The following CEP170 variants were observed in gnomAD, a reference collection of about 807,000 sequenced individuals.
CEP170 encodes the protein centrosomal protein of 170 kDa.
Under a neutral mutation model 151.9 loss-of-function variants are expected in CEP170, and 21 were observed. The ratio of observed to expected loss-of-function variants is 0.14; its 90% confidence interval spans 0.10 to 0.20. The LOEUF (loss-of-function observed/expected upper bound fraction) is 0.20. CEP170 is among the 10% of genes least tolerant of loss of function. The pLI is 1.00. For synonymous variants in CEP170, 356 were observed against 648.8 expected, an observed-to-expected ratio of 0.55 and a Z score of 6.86; for missense variants, 964 against 1,892.9, an observed-to-expected ratio of 0.51 and a Z score of 9.11.
chr1:243,146,043 C>T (rs111227506), intron 14 of CEP170, among the ~76,000 whole-genome samples: 8 of 152,244 alleles, frequency 5.3e-5, no homozygotes, highest in South Asian at 4.1e-4. Flanking sequence ...AAAAGTCTAA[C>T]GTCAATTATT....
In CEP170 at chr1:243,164,386, C is replaced by T. The variant is rs1572375925; in HGVS notation, c.3574G>A (p.Val1192Ile). Residue 1192 changes from valine to isoleucine, a missense_variant, in exon 13 of 20, where the codon GTA becomes ATA. Transcript: ENST00000366542. ...CTAGGAGAAAATTTATCTGATGGTA[C>T]TAGTCTGGCTCCACTTCTAATGATG... ...EAIIRSGARL[V>I]PSDKFSPRIR... 2 of 1,539,350 alleles carry T rather than the reference C, an allele frequency of 1.3e-6. No homozygotes were observed. The highest frequency in any genetic ancestry group is 1.8e-6 in the Non-Finnish European group (2 of 1,140,660).
At chr1:243,155,407 A>G (rs1470286577) in intron 14 of CEP170, among the ~76,000 whole-genome samples, 1 of 152,166 alleles carries the variant, frequency 6.6e-6, no homozygotes, top group Non-Finnish European at 1.5e-5. Flanking sequence ...AAACTCTTTA[A>G]TAATGTCCTC....
intron 14 of CEP170, among the ~76,000 whole-genome samples, chr1:243,146,953 C>T (rs2056574009): frequency 6.6e-6 from 1 of 151,332 alleles, no homozygotes; most frequent in South Asian, 2.1e-4. Flanking sequence ...AATTGTGAAT[C>T]CCCCCTAACC....
intron 1 of CEP170, 94 bp downstream of exon 1, chr1:243,254,946 C>G (rs1286138643): frequency 6.6e-6 from 1 of 152,090 alleles, no homozygotes; most frequent in African/African-American, 2.4e-5. Context: ...CGCCCGAGTC[C>G]TCGCCGCAAA....
At chr1:243,221,030 C>G (rs955667109) in intron 3 of CEP170, among the ~76,000 whole-genome samples, 1 of 151,662 alleles carries the variant, frequency 6.6e-6, no homozygotes, top group African/African-American at 2.4e-5. Flanking sequence ...CTTTTCTTTT[C>G]TTTTTTTTGA....
chr1:243,149,034 G>C (rs528596386), intron 14 of CEP170, among the ~76,000 whole-genome samples: 24 of 152,284 alleles, frequency 1.6e-4, no homozygotes, highest in Admixed American at 6.5e-4. Context: ...AAAGCAGTTT[G>C]AATAAAGTAC....
At chr1:243,144,357 T>G (rs1467073376) in intron 14 of CEP170, among the ~76,000 whole-genome samples, 7 of 152,214 alleles carry the variant, frequency 4.6e-5, no homozygotes. Flanking sequence ...CATAGTTAAG[T>G]GCCATAACTA....
chr1:243,151,576 C>G (rs555883855), intron 14 of CEP170, among the ~76,000 whole-genome samples: 8 of 152,164 alleles, frequency 5.3e-5, no homozygotes, highest in African/African-American at 1.7e-4. Context: ...TGAATGCTGA[C>G]AGAGGTGAGG....
chr1:243,186,606 A>G (rs1258251717), intron 8 of CEP170, 184 bp from the exon 9 acceptor site: 1 of 573,694 alleles, frequency 1.7e-6, no homozygotes, highest in Non-Finnish European at 3.0e-6. Context: ...AATTTTATCA[A>G]CTAACAATGA....
intron 14 of CEP170, among the ~76,000 whole-genome samples, chr1:243,155,820 T>C (rs2148458476): frequency 6.6e-6 from 1 of 152,276 alleles, no homozygotes; most frequent in East Asian, 1.9e-4. Flanking sequence ...CAGAGAGCAG[T>C]AGCCACATCT....
rs74162260 is a variant in CEP170, at chr1:243,231,153, GCATCAT to G, written c.-41-5838_-41-5833del. 7.5e-3 allele frequency among the ~76,000 whole-genome samples: 1,069 copies of G among 142,164 alleles called. 4 individuals are homozygous for G. Among genetic ancestry groups the G allele is most frequent in the Non-Finnish European group, 0.01 (660 of 65,110 alleles). 93.3% of individuals were successfully genotyped at this position (142,164 alleles called of 152,430 possible). ...TATACCCAGCAAAACTATCTTTCAA[GCATCAT>G]CATCATCATCATCATCATCATCATC... On this transcript the variant is annotated intron_variant, in intron 1 of 19. Transcript: ENST00000366542.
At chr1:243,162,412 CATG>C (rs902306951) in intron 13 of CEP170, among the ~76,000 whole-genome samples, 2 of 152,164 alleles carry the variant, frequency 1.3e-5, no homozygotes, top group African/African-American at 4.8e-5. Context: ...TTTTAAATTC[CATG>C]ATTCTAATTA....
At position 243,245,372 on chromosome 1, in the gene CEP170, G is replaced by A. The variant is rs776541121; in HGVS notation, c.-42+9668C>T. 1.8e-4 allele frequency among the ~76,000 whole-genome samples: 28 copies of A among 152,044 alleles called. 1 individual carries two copies. The highest frequency in any genetic ancestry group is 1.4e-3 in the Admixed American group (21 of 15,264). ...AGACAGGAAAACTGCTAGAGCCCAGGAGTTTGAGACCAGCCTAGGGAACAA... is the reference window on the plus strand; with the variant it reads ...AGACAGGAAAACTGCTAGAGCCCAGAAGTTTGAGACCAGCCTAGGGAACAA... On this transcript the variant is annotated intron_variant, in intron 1 of 19. Coordinates refer to ENST00000366542, the MANE Select transcript of CEP170 (RefSeq NM_014812.3).
chr1:243,252,999 G>A (rs1032708384), intron 1 of CEP170: 3 of 152,056 alleles, frequency 2.0e-5, no homozygotes, highest in Non-Finnish European at 4.4e-5. Flanking sequence ...AACATCATAG[G>A]TTCTTGTTAT....
At chr1:243,213,662 CGTA>C (rs1231987217) in intron 3 of CEP170, among the ~76,000 whole-genome samples, 1 of 151,946 alleles carries the variant, frequency 6.6e-6, no homozygotes, top group Non-Finnish European at 1.5e-5. Flanking sequence ...GTAAGAATCA[CGTA>C]GTATTTTTCA....
At chr1:243,230,361 CAT>C (rs1308907778) in intron 1 of CEP170, among the ~76,000 whole-genome samples, 1 of 151,394 alleles carries the variant, frequency 6.6e-6, no homozygotes, top group East Asian at 1.9e-4. Context: ...CAAAAAATAA[CAT>C]AATGAAAATA....
intron 8 of CEP170, among the ~76,000 whole-genome samples, chr1:243,189,757 T>C (rs1275941826): frequency 1.3e-5 from 2 of 151,966 alleles, no homozygotes. Context: ...AGCTACCTCT[T>C]ATACTGTACT....
At position 243,165,200 on chromosome 1, in the gene CEP170, A is replaced by T. The variant is rs2058356862; in HGVS notation, c.2760T>A (p.Thr920=). Residue 920 remains threonine, a synonymous_variant, in exon 13 of 20, where the codon ACT becomes ACA. Coordinates refer to ENST00000366542, the MANE Select transcript of CEP170 (RefSeq NM_014812.3). ...EDNKTDEGPD[T]PSYNRDNSIS... is the part of the protein sequence containing the mutation. ...TAGAATTGTCTCTATTATAACTGGGAGTATCTGGTCCTTCATCAGTTTTAT... is the reference window on the plus strand; with the variant it reads ...TAGAATTGTCTCTATTATAACTGGGTGTATCTGGTCCTTCATCAGTTTTAT... 1 of 1,613,604 alleles carries T rather than the reference A, an allele frequency of 6.2e-7. No individual in the cohort carries two copies. Among genetic ancestry groups the T allele is most frequent in the Non-Finnish European group, 8.5e-7 (1 of 1,179,668 alleles).
chr1:243,191,413 G>C lies in CEP170; in HGVS notation c.713C>G (p.Pro238Arg). 1.3e-6 allele frequency: 2 copies of C among 1,572,186 alleles called. No homozygotes were observed. ...EEVLFPFCRE[P>R]SYFEIPTKEF... Reference sequence around the variant, plus strand: ...TTTTGTAGGGATTTCAAAATAACTTGGTTCCCTACAGAAAGGAAAAAGTAC... The same window carrying C: ...TTTTGTAGGGATTTCAAAATAACTTCGTTCCCTACAGAAAGGAAAAAGTAC... Residue 238 changes from proline (P) to arginine (R), a missense_variant, in exon 8 of 20, where the codon CCA (proline) becomes CGA (arginine). Coordinates refer to ENST00000366542, the MANE Select transcript of CEP170 (RefSeq NM_014812.3).
Sources: allele counts gnomAD v4.1 joint callset (sites outside exome capture counted in the v4.1 genomes callset), GRCh38; gene constraint gnomAD v4.1.1; transcripts MANE v1.5; gene names NCBI Gene and HGNC (gene_info 2026-07-23, HGNC 2026-07-21).